D2HGDH: variants seen among roughly 807,000 people sequenced by gnomAD.
D2HGDH encodes the protein D-2-hydroxyglutarate dehydrogenase, mitochondrial.
Under a neutral mutation model 46.9 loss-of-function variants are expected in D2HGDH, and 31 were observed. That is an observed-to-expected ratio of 0.66 (90% CI 0.50 to 0.89). D2HGDH has a LOEUF of 0.89. D2HGDH is among the 40% of genes least tolerant of loss of function. The pLI is 0.00. For synonymous variants in D2HGDH, 364 were observed against 332.6 expected (o/e 1.09, Z -1.03); for missense variants, 698 against 720.8 (o/e 0.97, Z 0.36).
chr2:241,748,841 G>T (rs1213190287), intron 6 of D2HGDH: 1 of 1,264,618 alleles, frequency 7.9e-7, no homozygotes, highest in East Asian at 6.7e-5. Context: ...TCTGTGTTCT[G>T]CTCTGATCCC....
At chr2:241,756,583 G>A (rs1021581336) in intron 9 of D2HGDH, among the ~76,000 whole-genome samples, 15 of 152,140 alleles carry the variant, frequency 9.9e-5, no homozygotes, top group African/African-American at 2.9e-4. Context: ...GTGCAGTGGC[G>A]CAATCTCGGC....
chr2:241,736,493 C>G (rs1459426656), intron 2 of D2HGDH, among the ~76,000 whole-genome samples: 1 of 152,086 alleles, frequency 6.6e-6, no homozygotes, highest in East Asian at 1.9e-4. Context: ...CCTGGTGGCC[C>G]CAGGTACCAA....
At chr2:241,764,846 G>A (rs147706622) in intron 9 of D2HGDH, among the ~76,000 whole-genome samples, 9 of 152,342 alleles carry the variant, frequency 5.9e-5, no homozygotes, top group African/African-American at 1.7e-4. Flanking sequence ...CTGCTGGCCC[G>A]GAGGTGGGGC....
chr2:241,760,493 C>CCAAT (rs1400826474), intron 9 of D2HGDH, among the ~76,000 whole-genome samples: 1 of 140,118 alleles, frequency 7.1e-6, no homozygotes, highest in African/African-American at 2.8e-5. Context: ...TGGGCCTTAC[C>CCAAT]CAGTCAAAGG....
chr2:241,752,376 C>T (rs1437760226), intron 8 of D2HGDH, among the ~76,000 whole-genome samples: 1 of 152,106 alleles, frequency 6.6e-6, no homozygotes, highest in Non-Finnish European at 1.5e-5. Context: ...ATCAAGTGTG[C>T]GTCCTTCCTA....
At chr2:241,747,544 G>GTGT (rs1440224553) in intron 6 of D2HGDH, among the ~76,000 whole-genome samples, 1 of 90,228 alleles carries the variant, frequency 1.1e-5, no homozygotes, top group African/African-American at 6.8e-5. Context: ...TATCAGGAGA[G>GTGT]TGTTTTTTTT....
In D2HGDH at chr2:241,742,121, C is replaced by T. The variant is rs576660711; in HGVS notation, c.351-314C>T. The stretch of plus-strand genomic sequence containing the variant: ...TGCGGTCGAGGAACCCTGAGCTGGA[C>T]CCTCTGTGAGCATGGTGTGAACGGG... On this transcript the variant is annotated intron_variant, in intron 3 of 9. Transcript: ENST00000321264. The surrounding 1 kb of genome is among the most constrained non-coding windows in gnomAD (Gnocchi z 4.8). 2.0e-4 allele frequency among the ~76,000 whole-genome samples: 31 copies of T among 152,204 alleles called. No individual in the cohort carries two copies. In the South Asian group the frequency reaches 3.9e-3, roughly 19 times the overall value.
intron 2 of D2HGDH, 128 bp downstream of exon 2, chr2:241,735,644 C>T (rs1692570447): frequency 7.9e-6 from 10 of 1,273,338 alleles, no homozygotes; most frequent in Non-Finnish European, 1.1e-5. Flanking sequence ...CTGAGAGGGG[C>T]GTGTGCACCG....
chr2:241,740,195 C>T (rs920328466), intron 2 of D2HGDH, among the ~76,000 whole-genome samples: 2 of 152,150 alleles, frequency 1.3e-5, no homozygotes, highest in South Asian at 2.1e-4. Context: ...GGAAAATCAC[C>T]AGTTGGCAAC....
chr2:241,750,403 G>T, intron 7 of D2HGDH, 109 bp downstream of exon 7: 1 of 1,079,112 alleles, frequency 9.3e-7, no homozygotes, highest in East Asian at 2.8e-5. Context: ...CCGGGCGGGC[G>T]GGTGGGGGGT....
chr2:241,760,575 CCAAT>C (rs1394870337), intron 9 of D2HGDH, among the ~76,000 whole-genome samples: 1 of 151,760 alleles, frequency 6.6e-6, no homozygotes, highest in Non-Finnish European at 1.5e-5. Context: ...TGGGCCTTGC[CCAAT>C]CAGTCGAAGT....
rs1425559833 is a variant in D2HGDH, at chr2:241,742,237, T to C, written c.351-198T>C. 1.3e-5 allele frequency among the ~76,000 whole-genome samples: 2 copies of C among 152,216 alleles called. No individual in the cohort carries two copies. The highest frequency in any genetic ancestry group is 2.9e-5 in the Non-Finnish European group (2 of 68,024). ...CGGGGCCTCCACTTCCGTCTCCCTG[T>C]GCACAGCTTTCGGATTGGCCTCTGT... On this transcript the variant is annotated intron_variant, in intron 3 of 9. Transcript: ENST00000321264. The surrounding 1 kb of genome is among the most constrained non-coding windows in gnomAD (Gnocchi z 4.8).
intron 6 of D2HGDH, 86 bp from the exon 7 acceptor site, chr2:241,750,065 C>T (rs1037101513): frequency 1.5e-5 from 24 of 1,600,302 alleles, no homozygotes; most frequent in African/African-American, 4.0e-5. Context: ...CCACATGAGT[C>T]GGGCTGATGT....
At position 241,743,761 on chromosome 2, in the gene D2HGDH, C is replaced by G. The variant is rs776757133; in HGVS notation, c.630C>G (p.Gly210=). 1.2e-6 allele frequency: 2 copies of G among 1,611,648 alleles called. No homozygotes were observed. The change falls in exon 5 of 10, where the codon GGC becomes GGG. Residue 210 remains glycine, a synonymous_variant. Transcript: ENST00000321264. The surrounding 1 kb of genome is among the most constrained non-coding windows in gnomAD (Gnocchi z 4.8). Reference sequence around the variant, plus strand: ...GAAACGTGGCAACCAACGCTGGAGGCCTGCGGTTTCTTCGATATGGCTCAC... The same window carrying G: ...GAAACGTGGCAACCAACGCTGGAGGGCTGCGGTTTCTTCGATATGGCTCAC... ...IGGNVATNAG[G]LRFLRYGSLH...
At chr2:241,760,665 T>A (rs1460182948) in intron 9 of D2HGDH, among the ~76,000 whole-genome samples, 2 of 150,716 alleles carry the variant, frequency 1.3e-5, no homozygotes, top group Non-Finnish European at 3.0e-5. Flanking sequence ...CCTTACCCAA[T>A]CAGTCGAAGG....
chr2:241,754,290 G>A (rs1213939999), intron 8 of D2HGDH, among the ~76,000 whole-genome samples: 2 of 152,240 alleles, frequency 1.3e-5, no homozygotes, highest in Non-Finnish European at 2.9e-5. Flanking sequence ...ACCGTAGGAG[G>A]GGCTCTTGCT....
intron 6 of D2HGDH, 53 bp from the exon 7 acceptor site, chr2:241,750,098 G>A: frequency 6.2e-7 from 1 of 1,612,776 alleles, no homozygotes; most frequent in African/African-American, 1.3e-5. Context: ...GGGGGACTTG[G>A]GTGGGCTGGG....
intron 2 of D2HGDH, among the ~76,000 whole-genome samples, chr2:241,737,754 G>A (rs1194454440): frequency 2.0e-5 from 3 of 152,154 alleles, no homozygotes; most frequent in Non-Finnish European, 4.4e-5. Context: ...GCCGGGTATG[G>A]TGGCATGTGT....
chr2:241,744,017 A>G (rs142368659), intron 5 of D2HGDH, among the ~76,000 whole-genome samples: 31 of 152,244 alleles, frequency 2.0e-4, no homozygotes, highest in African/African-American at 7.5e-4. Flanking sequence ...CTCCCACGAG[A>G]GGGTGATTTT....
Sources: gnomAD v4.1 joint callset for allele counts (sites outside exome capture counted in the v4.1 genomes callset) on GRCh38, gnomAD v4.1.1 for gene constraint, Gnocchi (gnomAD v3.1) non-coding constraint, MANE v1.5 for transcripts, NCBI Gene and HGNC (gene_info 2026-07-23, HGNC 2026-07-21) for gene names.